The following STK31 variants were observed in gnomAD, a reference collection of about 807,000 sequenced individuals.
The protein encoded by STK31 is serine/threonine-protein kinase 31.
STK31 carries 89 observed loss-of-function variants against 129.7 expected under a neutral mutation model. That is an observed-to-expected ratio of 0.69 (90% CI 0.58 to 0.82). The LOEUF (loss-of-function observed/expected upper bound fraction) is 0.82. Ranked by LOEUF, STK31 falls within the 40% of genes least tolerant of loss-of-function variation. The pLI is 0.00. For synonymous variants in STK31, 448 were observed against 395.3 expected, an observed-to-expected ratio of 1.13 and a Z score of -1.58; for missense variants, 1,187 against 1,176.4, an observed-to-expected ratio of 1.01 and a Z score of -0.13.
intron 8 of STK31, among the ~76,000 whole-genome samples, chr7:23,750,954 A>G (rs1234410069): frequency 3.3e-5 from 5 of 152,168 alleles, no homozygotes; most frequent in African/African-American, 9.7e-5. Context: ...CTGCTATCAA[A>G]CATTAGAACT....
chr7:23,710,441 G>C (rs958121898), intron 1 of STK31, 106 bp downstream of exon 1: 3 of 1,585,872 alleles, frequency 1.9e-6, no homozygotes, highest in Non-Finnish European at 2.6e-6. Flanking sequence ...CCCATTTCAG[G>C]GTTTTCTGTC....
intron 23 of STK31, among the ~76,000 whole-genome samples, chr7:23,828,211 G>A (rs969119692): frequency 4.0e-5 from 6 of 150,584 alleles, no homozygotes; most frequent in African/African-American, 1.5e-4. Context: ...ACAGAGGCAG[G>A]GAGGCCTCTT....
intron 8 of STK31, among the ~76,000 whole-genome samples, chr7:23,750,067 T>TCCC (rs1171568592): frequency 3.5e-4 from 32 of 90,590 alleles, no homozygotes; most frequent in Middle Eastern, 5.6e-3. Context: ...ATGGTTTGTT[T>TCCC]CCCCCCCCGC....
intron 8 of STK31, among the ~76,000 whole-genome samples, chr7:23,745,247 T>C (rs995287630): frequency 6.6e-6 from 1 of 152,084 alleles, no homozygotes; most frequent in African/African-American, 2.4e-5. Context: ...TTGGGTGGTG[T>C]GCTCAGACAC....
intron 22 of STK31, among the ~76,000 whole-genome samples, chr7:23,807,648 C>T (rs1554297092): frequency 6.6e-6 from 1 of 152,020 alleles, no homozygotes; most frequent in Non-Finnish European, 1.5e-5. Context: ...CACCCTTTCT[C>T]CTCTTTTTCT....
intron 10 of STK31, among the ~76,000 whole-genome samples, chr7:23,760,029 AGTT>A (rs932988538): frequency 6.6e-6 from 1 of 152,192 alleles, no homozygotes; most frequent in Non-Finnish European, 1.5e-5. Context: ...GTTGGGAGGT[AGTT>A]GTTTGTGTGT....
At chr7:23,819,564 G>A (rs1302944324) in intron 23 of STK31, among the ~76,000 whole-genome samples, 2 of 146,978 alleles carry the variant, frequency 1.4e-5, no homozygotes, top group Non-Finnish European at 3.0e-5. Flanking sequence ...ACTGGCATGC[G>A]CCACCATGCC....
chr7:23,724,390 T>TAGAG (rs376282995), intron 4 of STK31, among the ~76,000 whole-genome samples: 2 of 152,266 alleles, frequency 1.3e-5, no homozygotes, highest in Admixed American at 1.3e-4. Flanking sequence ...CTTTCCCAGC[T>TAGAG]AGAGAGAGTC....
chr7:23,830,910 G>A (rs1050048399), intron 23 of STK31, among the ~76,000 whole-genome samples: 3 of 152,106 alleles, frequency 2.0e-5, no homozygotes, highest in African/African-American at 4.8e-5. Flanking sequence ...ATGAGCCACC[G>A]TGCCTGGCCA....
rs868515215 is a variant in STK31 at position 23,736,937 on chromosome 7, G to A, written c.876G>A (p.Gly292=). 1.2e-6 allele frequency: 2 copies of A among 1,611,454 alleles called. No homozygotes were observed. The highest frequency in any genetic ancestry group is 2.2e-5 in the South Asian group (2 of 90,402). Residue 292 remains glycine, a synonymous_variant, in exon 8 of 24, where the codon GGG becomes GGA. Transcript: ENST00000355870. ...TGGCTGTTGGTGACTTTAATTTAGG[G>A]TCTAACGTCAGCCTGGAAAAAATTA... ...ESLAVGDFNL[G]SNVSLEKIKQ...
intron 23 of STK31, among the ~76,000 whole-genome samples, chr7:23,823,265 C>A (rs952169094): frequency 2.0e-5 from 3 of 152,094 alleles, no homozygotes; most frequent in African/African-American, 7.2e-5. Flanking sequence ...CCTGTTGTTT[C>A]CTGACTTTTT....
chr7:23,796,838 C>T (rs1030274381), intron 22 of STK31, among the ~76,000 whole-genome samples: 1 of 152,002 alleles, frequency 6.6e-6, no homozygotes, highest in Admixed American at 6.6e-5. Flanking sequence ...AGAATCAAGA[C>T]CCATCAGTGT....
At chr7:23,749,636 A>G (rs1372530510) in intron 8 of STK31, among the ~76,000 whole-genome samples, 1 of 151,828 alleles carries the variant, frequency 6.6e-6, no homozygotes, top group Non-Finnish European at 1.5e-5. Flanking sequence ...TATAGGCATT[A>G]GCCACTGTGC....
chr7:23,737,161 T>G, intron 8 of STK31, 83 bp downstream of exon 8: 1 of 1,248,534 alleles, frequency 8.0e-7, no homozygotes, highest in Non-Finnish European at 1.0e-6. Context: ...TCTGTCACTT[T>G]CCTTTCCTTC....
At chr7:23,762,245 C>A (rs866552639) in intron 10 of STK31, among the ~76,000 whole-genome samples, 1 of 146,802 alleles carries the variant, frequency 6.8e-6, no homozygotes, top group Non-Finnish European at 1.5e-5. Context: ...CCTCCCTCCA[C>A]CCCGAGATAA....
At chr7:23,804,030 TGAA>T (rs764056533) in intron 22 of STK31, among the ~76,000 whole-genome samples, 1 of 152,180 alleles carries the variant, frequency 6.6e-6, no homozygotes, top group Non-Finnish European at 1.5e-5. Flanking sequence ...AGTACTGCTG[TGAA>T]GAAGTTGAAT....
At chr7:23,728,570 G>C (rs1276804974) in intron 5 of STK31, among the ~76,000 whole-genome samples, 2 of 152,142 alleles carry the variant, frequency 1.3e-5, no homozygotes, top group African/African-American at 4.8e-5. Flanking sequence ...GTTTGACCTT[G>C]TAATAACTAT....
intron 6 of STK31, among the ~76,000 whole-genome samples, chr7:23,730,841 A>G (rs1223967380): frequency 8.2e-6 from 1 of 122,696 alleles, no homozygotes; most frequent in Non-Finnish European, 1.7e-5. Flanking sequence ...TATATATGGT[A>G]CTGTATATAA....
chr7:23,776,299 G>T (rs986881351), intron 15 of STK31, among the ~76,000 whole-genome samples: 23 of 151,532 alleles, frequency 1.5e-4, no homozygotes, highest in East Asian at 5.8e-4. Flanking sequence ...CTTTTTTTTT[G>T]TTGTGTCTCT....
Sources: allele counts gnomAD v4.1 joint callset (sites outside exome capture counted in the v4.1 genomes callset), GRCh38; gene constraint gnomAD v4.1.1; transcripts MANE v1.5; gene names NCBI Gene and HGNC (gene_info 2026-07-23, HGNC 2026-07-21).